The following SLC38A8 variants were observed in gnomAD, a reference collection of about 807,000 sequenced individuals.
The protein encoded by SLC38A8 is solute carrier family 38 member 8, also known as amino acid transporter SLC38A8.
In SLC38A8, 65 loss-of-function variants were observed where a neutral mutation model predicts 46.0. The observed-to-expected ratio is 1.41, with a 90% CI of 1.16 to 1.74. SLC38A8 has a LOEUF of 1.74. Among genes scored for constraint, SLC38A8 ranks in the 40% most tolerant of loss-of-function variants. The pLI, the probability that SLC38A8 is intolerant of heterozygous loss-of-function variation, is 0.00. For missense variants in SLC38A8, 998 were observed against 567.9 expected, an observed-to-expected ratio of 1.76 and a Z score of -7.70; for synonymous variants, 447 against 243.7, an observed-to-expected ratio of 1.83 and a Z score of -7.77.
chr16:84,039,587 T>A (rs4782881), intron 2 of SLC38A8, among the ~76,000 whole-genome samples: 91,944 of 151,592 alleles, frequency 0.61, 28,361 homozygotes, highest in East Asian at 0.84. Context: ...TCTACTAAAA[T>A]CACAAAAAAC....
intron 2 of SLC38A8, chr16:84,040,972 C>T (rs1443218168): frequency 6.6e-6 from 1 of 152,282 alleles, no homozygotes; most frequent in African/African-American, 2.4e-5. Flanking sequence ...TCCAAACAGA[C>T]CCGAAGAGCC....
chr16:84,014,753 C>G (rs894810877), intron 9 of SLC38A8, among the ~76,000 whole-genome samples: 1 of 152,236 alleles, frequency 6.6e-6, no homozygotes, highest in Non-Finnish European at 1.5e-5. Context: ...TCTCAAGGGA[C>G]TACATCAAAG....
chr16:84,038,979 G>T (rs1230098939), intron 2 of SLC38A8, among the ~76,000 whole-genome samples: 2 of 152,180 alleles, frequency 1.3e-5, no homozygotes, highest in Non-Finnish European at 2.9e-5. Flanking sequence ...TGTCCACAAG[G>T]AAAATGTTAA....
intron 5 of SLC38A8, among the ~76,000 whole-genome samples, chr16:84,030,777 G>T (rs7195538): frequency 0.42 from 64,041 of 151,888 alleles, 14,829 homozygotes; most frequent in African/African-American, 0.62. Context: ...TGTTGGACAA[G>T]GATTAAGGAT....
chr16:84,023,707 A>G (rs1024016563), intron 6 of SLC38A8, among the ~76,000 whole-genome samples: 1 of 152,232 alleles, frequency 6.6e-6, no homozygotes, highest in African/African-American at 2.4e-5. Context: ...CAGCCTGGCC[A>G]ACATGGCAAA....
At position 84,032,220 on chromosome 16, in the gene SLC38A8, G is replaced by A. The variant is rs140269848; in HGVS notation, c.531-252C>T. On this transcript the variant is annotated intron_variant, in intron 4 of 10. Transcript: ENST00000299709. The stretch of plus-strand genomic sequence containing the variant: ...TTGTTGTTTTTTGAGACGGAGTCTC[G>A]CTCTGTTGCCCAGGCTGGAGTGCAG... Among the ~76,000 whole-genome samples the A allele has an allele frequency of 2.7e-3, 408 of 152,196 alleles. 2 individuals are homozygous for A. The highest frequency in any genetic ancestry group is 9.5e-3 in the African/African-American group (396 of 41,524).
chr16:84,029,483 G>A lies in SLC38A8; in HGVS notation c.690+11C>T, dbSNP rs775031790. ...AAACGCCACAGGCTGCAACACAGATGCTAAAATTACCTGAAACCCGAAGCA... is the reference window on the plus strand; with the variant it reads ...AAACGCCACAGGCTGCAACACAGATACTAAAATTACCTGAAACCCGAAGCA... On this transcript the variant is annotated intron_variant, in intron 6 of 10. Transcript: ENST00000299709. 4 of 1,613,936 alleles carry A rather than the reference G, an allele frequency of 2.5e-6. No homozygotes were observed. The South Asian group carries it at 3.3e-5, about 13-fold the overall frequency.
At chr16:84,012,501 T>C (rs2084966244) in intron 10 of SLC38A8, among the ~76,000 whole-genome samples, 1 of 152,146 alleles carries the variant, frequency 6.6e-6, no homozygotes, top group Admixed American at 6.5e-5. Context: ...CTCACTAGCA[T>C]CCGGGCCCGC....
intron 4 of SLC38A8, among the ~76,000 whole-genome samples, chr16:84,032,875 C>T (rs1430132534): frequency 6.6e-6 from 1 of 151,508 alleles, no homozygotes; most frequent in Non-Finnish European, 1.5e-5. Context: ...GGCACGGGGA[C>T]ATGCGGGGAT....
chr16:84,015,949 G>C (rs1269219539), intron 9 of SLC38A8, among the ~76,000 whole-genome samples: 1 of 152,216 alleles, frequency 6.6e-6, no homozygotes, highest in Non-Finnish European at 1.5e-5. Context: ...AAAGTGCTGG[G>C]ATTACAGGCG....
At chr16:84,017,512 T>C (rs1161937290) in intron 7 of SLC38A8, among the ~76,000 whole-genome samples, 1 of 152,192 alleles carries the variant, frequency 6.6e-6, no homozygotes, top group Non-Finnish European at 1.5e-5. Flanking sequence ...TATCCTCCTT[T>C]CAAATCGCTC....
chr16:84,043,049 GCCT>G (rs2085384947), upstream of SLC38A8, among the ~76,000 whole-genome samples: 2 of 152,274 alleles, frequency 1.3e-5, no homozygotes, highest in South Asian at 2.1e-4. Context: ...CCTGAGCCCA[GCCT>G]CCTCCTCTGC....
chr16:84,022,672 T>A (rs557481270), intron 7 of SLC38A8, 103 bp downstream of exon 7: 1 of 860,176 alleles, frequency 1.2e-6, no homozygotes, highest in Non-Finnish European at 1.9e-6. Flanking sequence ...ACATTGAGTA[T>A]TGAGCCCAGC....
intron 6 of SLC38A8, among the ~76,000 whole-genome samples, chr16:84,024,268 G>T (rs143976035): frequency 6.6e-6 from 1 of 152,196 alleles, no homozygotes; most frequent in African/African-American, 2.4e-5. Flanking sequence ...AGGGGTTCCC[G>T]GGGGCTTGAC....
In SLC38A8 at chr16:84,017,284, AC is replaced by A. The variant is rs1240014823; in HGVS notation, c.808del (p.Val270PhefsTer5). 3 of 1,613,864 alleles carry A rather than the reference AC, an allele frequency of 1.9e-6. No individual in the cohort carries two copies. The highest frequency in any genetic ancestry group is 2.5e-6 in the Non-Finnish European group (3 of 1,179,998). ...TGTCCCAAAAGTCAGGAAGCCATAA[AC>A]CCCTGAAGGTGGGAAAGGATGGAAG... ...ACCLIYSLTG[V>X]YGFLTFGTEV... On this transcript the variant is annotated frameshift_variant and splice_region_variant, in exon 8 of 11. Coordinates refer to ENST00000299709, the MANE Select transcript of SLC38A8 (RefSeq NM_001080442.3). LOFTEE classifies it high-confidence loss of function.
chr16:84,026,527 T>A (rs2085166566), intron 6 of SLC38A8, among the ~76,000 whole-genome samples: 1 of 152,106 alleles, frequency 6.6e-6, no homozygotes. Context: ...GTGCCCAGCC[T>A]CTACTGGTTT....
At chr16:84,038,044 C>G (rs748362048) in intron 2 of SLC38A8, among the ~76,000 whole-genome samples, 3 of 151,460 alleles carry the variant, frequency 2.0e-5, no homozygotes, top group Non-Finnish European at 4.4e-5. Context: ...GGTGCTATGG[C>G]TCACGCCTGT....
intron 6 of SLC38A8, among the ~76,000 whole-genome samples, chr16:84,028,318 C>T (rs529363156): frequency 1.5e-3 from 228 of 152,198 alleles, no homozygotes; most frequent in Non-Finnish European, 2.4e-3. Context: ...CGGTGGCTCA[C>T]GCCTATAATC....
intron 3 of SLC38A8, 133 bp from the exon 4 acceptor site, chr16:84,033,602 G>C: frequency 9.9e-7 from 1 of 1,010,816 alleles, no homozygotes; most frequent in South Asian, 1.7e-5. Flanking sequence ...GGGATCAGAC[G>C]ACAAGTGAGA....
Sources: allele counts gnomAD v4.1 joint callset (sites outside exome capture counted in the v4.1 genomes callset), GRCh38; gene constraint gnomAD v4.1.1; transcripts MANE v1.5; gene names NCBI Gene and HGNC (gene_info 2026-07-23, HGNC 2026-07-21).